COL14A1: variants seen among roughly 807,000 people sequenced by gnomAD.
COL14A1 encodes the protein collagen type XIV alpha 1 chain, also known as collagen alpha-1(XIV) chain.
Under a neutral mutation model 230.3 loss-of-function variants are expected in COL14A1, and 136 were observed. The observed-to-expected ratio is 0.59, with a 90% CI of 0.51 to 0.68. The LOEUF (loss-of-function observed/expected upper bound fraction) is 0.68. COL14A1 is among the 30% of genes least tolerant of loss of function. The pLI is 0.00. For synonymous variants in COL14A1, 792 were observed against 784.1 expected, an observed-to-expected ratio of 1.01 and a Z score of -0.17; for missense variants, 1,976 against 2,215.8, an observed-to-expected ratio of 0.89 and a Z score of 2.17.
At chr8:120,243,467 T>C (rs986305091) in intron 19 of COL14A1, among the ~76,000 whole-genome samples, 4 of 152,122 alleles carry the variant, frequency 2.6e-5, no homozygotes, top group Non-Finnish European at 4.4e-5. Context: ...AAGGAGGAAA[T>C]AATGGAAGGC....
At chr8:120,250,552 A>C in intron 21 of COL14A1, 65 bp from the exon 22 acceptor site, 1 of 1,543,568 alleles carries the variant, frequency 6.5e-7, no homozygotes, top group Non-Finnish European at 8.9e-7. Context: ...ATACAATTTG[A>C]TCTAAGAGTG....
intron 34 of COL14A1, among the ~76,000 whole-genome samples, chr8:120,295,432 C>T (rs1391394680): frequency 6.6e-6 from 1 of 151,782 alleles, no homozygotes; most frequent in Non-Finnish European, 1.5e-5. Flanking sequence ...GATCATACCC[C>T]ATAGCGGCAA....
chr8:120,228,873 C>A, intron 18 of COL14A1, 104 bp downstream of exon 18: 1 of 1,004,260 alleles, frequency 1.0e-6, no homozygotes, highest in Non-Finnish European at 1.5e-6. Flanking sequence ...AGAGATGACC[C>A]TCCCTTCCTT....
At chr8:120,164,778 C>G (rs190410001) in intron 4 of COL14A1, among the ~76,000 whole-genome samples, 72 of 152,306 alleles carry the variant, frequency 4.7e-4, no homozygotes, top group African/African-American at 1.6e-3. Flanking sequence ...TTTCTGGCCT[C>G]CAACATTCCT....
At chr8:120,178,873 T>C (rs1816372155) in intron 5 of COL14A1, among the ~76,000 whole-genome samples, 1 of 152,216 alleles carries the variant, frequency 6.6e-6, no homozygotes, top group Admixed American at 6.5e-5. Context: ...CATAAATATA[T>C]TCTTTTCAAA....
chr8:120,363,910 C>T (rs146516925), intron 45 of COL14A1, among the ~76,000 whole-genome samples: 1 of 152,332 alleles, frequency 6.6e-6, no homozygotes, highest in African/African-American at 2.4e-5. Flanking sequence ...GATATTTATA[C>T]ATTGGGGATA....
At chr8:120,347,257 C>A (rs1250115410) in intron 45 of COL14A1, among the ~76,000 whole-genome samples, 4 of 152,154 alleles carry the variant, frequency 2.6e-5, no homozygotes, top group African/African-American at 9.7e-5. Flanking sequence ...GCCCAGACGA[C>A]CTTTGGAAAT....
At chr8:120,201,706 A>G (rs1245376237) in intron 8 of COL14A1, among the ~76,000 whole-genome samples, 2 of 152,202 alleles carry the variant, frequency 1.3e-5, no homozygotes, top group Non-Finnish European at 2.9e-5. Context: ...TAGATTTGCT[A>G]TTCACAATGT....
chr8:120,256,342 T>A (rs960756896), intron 23 of COL14A1, among the ~76,000 whole-genome samples: 4 of 152,158 alleles, frequency 2.6e-5, no homozygotes, highest in Non-Finnish European at 5.9e-5. Context: ...AATCCATAAA[T>A]CCCATTTTTG....
Position 120,332,176 on chromosome 8 carries a change from A to G in COL14A1, c.4695A>G (p.Pro1565=). 2 of 1,614,080 alleles carry G rather than the reference A, an allele frequency of 1.2e-6. No individual in the cohort carries two copies. Among genetic ancestry groups the G allele is most frequent in the Non-Finnish European group, 1.7e-6 (2 of 1,179,946 alleles). ...GAAAGGATGGATCCTCGGGACCTCC[A>G]GGACCACCAGGGCCAATAGTAAGCC... The part of the protein sequence containing the change: ...LPGKDGSSGP[P]GPPGPIGIPG... The change falls in exon 41 of 48, where the codon CCA becomes CCG. Residue 1565 remains proline, a synonymous_variant. Coordinates refer to ENST00000297848, the MANE Select transcript of COL14A1 (RefSeq NM_021110.4).
rs1277871246 is a variant in COL14A1, at chr8:120,357,629, A to C, written c.5078-9542A>C. On this transcript the variant is annotated intron_variant, in intron 45 of 47. Transcript: ENST00000297848. ...TAAACCATCACACTCTTCTAAATTAAAACAAGTCCTTCTGGCTGTGCATTG... is the reference window on the plus strand; with the variant it reads ...TAAACCATCACACTCTTCTAAATTACAACAAGTCCTTCTGGCTGTGCATTG... Among the ~76,000 whole-genome samples the C allele has an allele frequency of 2.6e-5, 4 of 152,116 alleles. No homozygotes were observed. In the East Asian group the frequency reaches 7.7e-4, roughly 29 times the overall value.
At chr8:120,327,770 C>CT (rs71306874) in intron 40 of COL14A1, among the ~76,000 whole-genome samples, 63,400 of 145,298 alleles carry the variant, frequency 0.44, 13,649 homozygotes, top group African/African-American at 0.49. Context: ...TAGTGCAATA[C>CT]TTTTTTTTTT....
In COL14A1 at chr8:120,162,472, A is replaced by T. The variant is rs1288327869; in HGVS notation, c.252A>T (p.Ala84=). ...QLNLQNTATK[A]IIQGLMPDQN... is the part of the protein sequence containing the mutation. Reference sequence around the variant, plus strand: ...ATCTGCAGAACACTGCAACTAAAGCAATTATTCAAGGCCTTATGCCAGACC... The same window carrying T: ...ATCTGCAGAACACTGCAACTAAAGCTATTATTCAAGGCCTTATGCCAGACC... Residue 84 remains alanine (A), a synonymous_variant, in exon 4 of 48, where the codon GCA becomes GCT. Coordinates refer to ENST00000297848, the MANE Select transcript of COL14A1 (RefSeq NM_021110.4). 1 of 1,612,408 alleles carries T rather than the reference A, an allele frequency of 6.2e-7. No individual in the cohort carries two copies. Among genetic ancestry groups the T allele is most frequent in the Non-Finnish European group, 8.5e-7 (1 of 1,179,442 alleles).
chr8:120,337,473 G>A (rs1822124740), intron 42 of COL14A1, among the ~76,000 whole-genome samples: 1 of 151,622 alleles, frequency 6.6e-6, no homozygotes, highest in African/African-American at 2.4e-5. Context: ...TTAGGCTGAT[G>A]TTCAGAGGCA....
Position 120,216,393 on chromosome 8 carries a change from G to T in COL14A1, c.1640G>T (p.Gly547Val). 1.2e-6 allele frequency: 2 copies of T among 1,613,586 alleles called. No individual in the cohort carries two copies. Among genetic ancestry groups the T allele is most frequent in the Non-Finnish European group, 1.7e-6 (2 of 1,179,836 alleles). ...PPRNLRISNVGSNSARLTWDP... is the reference protein window; with the variant it reads ...PPRNLRISNVVSNSARLTWDP... ...AGAAACCTGAGAATCTCCAATGTTGGCTCTAACAGTGCTCGATTAACCTGG... is the reference window on the plus strand; with the variant it reads ...AGAAACCTGAGAATCTCCAATGTTGTCTCTAACAGTGCTCGATTAACCTGG... Residue 547 changes from glycine to valine, a missense_variant, in exon 14 of 48, where the codon GGC (glycine) becomes GTC (valine). Physicochemically the swap from Gly to Val is moderately radical, Grantham distance 109 (BLOSUM62 -3). Coordinates refer to ENST00000297848, the MANE Select transcript of COL14A1 (RefSeq NM_021110.4).
Position 120,147,798 on chromosome 8 carries a change from G to C in COL14A1, c.-37-8G>C. The stretch of plus-strand genomic sequence containing the variant: ...TCTCAAAAATGTTCCTGTTCTCTCT[G>C]TTTCTAGGTGGCTGCTACACCCCAT... On this transcript the variant is annotated splice_polypyrimidine_tract_variant and splice_region_variant and intron_variant, in intron 1 of 47. Coordinates refer to ENST00000297848, the MANE Select transcript of COL14A1 (RefSeq NM_021110.4). The C allele has an allele frequency of 6.9e-7, 1 of 1,445,776 alleles. No individual in the cohort carries two copies. The highest frequency in any genetic ancestry group is 9.6e-7 in the Non-Finnish European group (1 of 1,036,640). The allele number at this position is 1,445,776 out of a possible 1,614,324, so 89.6% of individuals were successfully genotyped here.
At chr8:120,137,190 T>C (rs907244151) in intron 1 of COL14A1, among the ~76,000 whole-genome samples, 3 of 152,154 alleles carry the variant, frequency 2.0e-5, no homozygotes, top group African/African-American at 7.2e-5. Context: ...GTGTCTGTTT[T>C]AGCAAGTTGA....
chr8:120,285,528 A>T (rs1820167039), intron 32 of COL14A1, among the ~76,000 whole-genome samples: 1 of 151,720 alleles, frequency 6.6e-6, no homozygotes, highest in Non-Finnish European at 1.5e-5. Flanking sequence ...GATTTGATAA[A>T]CTTAAAGCAG....
intron 4 of COL14A1, among the ~76,000 whole-genome samples, chr8:120,162,887 T>C (rs112953380): frequency 0.02 from 3,063 of 152,328 alleles, 46 homozygotes; most frequent in African/African-American, 0.031. Flanking sequence ...CTTCTGGTAC[T>C]ATAACACCAT....
Sources: allele counts gnomAD v4.1 joint callset (sites outside exome capture counted in the v4.1 genomes callset), GRCh38; gene constraint gnomAD v4.1.1; transcripts MANE v1.5; gene names NCBI Gene and HGNC (gene_info 2026-07-23, HGNC 2026-07-21).